Variants in MYH11 observed in about 807,000 individuals in gnomAD.
The protein encoded by MYH11 is myosin-11.
In MYH11, 80 loss-of-function variants were observed where a neutral mutation model predicts 246.6. The observed-to-expected ratio is 0.32, with a 90% CI of 0.27 to 0.39. The LOEUF (loss-of-function observed/expected upper bound fraction) is 0.39. Among genes scored for constraint, MYH11 ranks in the 10% least tolerant of loss-of-function variants. The pLI is 1.00. For missense variants in MYH11, 2,158 were observed against 2,546.8 expected, an observed-to-expected ratio of 0.85 and a Z score of 3.29; for synonymous variants, 1,071 against 1,015.5, an observed-to-expected ratio of 1.05 and a Z score of -1.04.
chr16:15,834,860 G>A (rs2043848714), intron 2 of MYH11, among the ~76,000 whole-genome samples: 1 of 151,766 alleles, frequency 6.6e-6, no homozygotes, highest in African/African-American at 2.4e-5. Flanking sequence ...CTTGAGGCCA[G>A]GAGTTTGAGA....
intron 2 of MYH11, among the ~76,000 whole-genome samples, chr16:15,834,068 T>C (rs9938768): frequency 0.026 from 3,910 of 152,196 alleles, 168 homozygotes; most frequent in African/African-American, 0.089. Flanking sequence ...GACCTTCATA[T>C]GCCCTTTTTT....
At chr16:15,794,493 A>G (rs755942788) in intron 4 of MYH11, among the ~76,000 whole-genome samples, 8 of 152,260 alleles carry the variant, frequency 5.3e-5, no homozygotes, top group Non-Finnish European at 1.2e-4. Flanking sequence ...AACAATGGCT[A>G]AGGCCTCCTT....
intron 22 of MYH11, chr16:15,741,049 T>C (rs1200893251): frequency 2.9e-6 from 1 of 345,406 alleles, no homozygotes; most frequent in African/African-American, 2.1e-5. Flanking sequence ...TTCAGATGAC[T>C]GCAGCCTCAG....
chr16:15,727,514 C>A (rs779659285), intron 27 of MYH11, among the ~76,000 whole-genome samples: 1 of 152,084 alleles, frequency 6.6e-6, no homozygotes, highest in South Asian at 2.1e-4. Context: ...ATTTTGGATT[C>A]TATTTTCCTA....
intron 37 of MYH11, chr16:15,718,093 C>A: frequency 1.4e-6 from 1 of 693,888 alleles, no homozygotes; most frequent in South Asian, 1.9e-5. Flanking sequence ...CACGCCGTGG[C>A]TGGAAAATGA....
At chr16:15,854,842 C>CA (rs35950513) in intron 1 of MYH11, among the ~76,000 whole-genome samples, 25,440 of 133,426 alleles carry the variant, frequency 0.19, 2,922 homozygotes, top group East Asian at 0.44. Context: ...ACCCCCCACC[C>CA]AAAAAAATCA....
Position 15,735,478 on chromosome 16 carries a change from C to T in MYH11, c.3394G>A (p.Ala1132Thr), listed in dbSNP as rs1409752157. 3.1e-6 allele frequency: 5 copies of T among 1,614,138 alleles called. No homozygotes were observed. Among genetic ancestry groups the T allele is most frequent in the Non-Finnish European group, 4.2e-6 (5 of 1,180,032 alleles). ...DLQEDLDSERAARNKAEKQKR... is the reference protein window; with the variant it reads ...DLQEDLDSERTARNKAEKQKR... ...TGCTTTTCAGCCTTGTTCCTGGCGG[C>T]CCGCTCTGAGTCCAGGTCCTCCTGG... Residue 1132 changes from alanine to threonine, a missense_variant, in exon 26 of 41, where the codon GCC becomes ACC. Around this residue, in one of 11 missense-constraint regions of MYH11, gnomAD observed 284 missense variants for 315.4 expected, o/e 0.90. Coordinates refer to ENST00000300036, the MANE Select transcript of MYH11 (RefSeq NM_002474.3).
chr16:15,737,879 G>A (rs886280686), intron 24 of MYH11, among the ~76,000 whole-genome samples: 7 of 152,066 alleles, frequency 4.6e-5, no homozygotes, highest in Admixed American at 2.0e-4. Flanking sequence ...TGCAACCTCC[G>A]CCTCCCGGGT....
intron 19 of MYH11, among the ~76,000 whole-genome samples, chr16:15,746,671 G>A (rs369602389): frequency 5.3e-5 from 8 of 152,130 alleles, no homozygotes; most frequent in South Asian, 2.1e-4. Flanking sequence ...ACCCTTCCCC[G>A]GCTCCCAGTC....
At chr16:15,820,277 C>A (rs889313515) in intron 3 of MYH11, among the ~76,000 whole-genome samples, 1 of 151,998 alleles carries the variant, frequency 6.6e-6, no homozygotes, top group Non-Finnish European at 1.5e-5. Context: ...GAGATCGAGA[C>A]CATCCTGGGT....
intron 38 of MYH11, among the ~76,000 whole-genome samples, chr16:15,716,685 C>G (rs1454581569): frequency 6.6e-6 from 1 of 152,154 alleles, no homozygotes. Context: ...CCACACTCGG[C>G]TAATTTTTGG....
At position 15,801,283 on chromosome 16, in the gene MYH11, A is replaced by T. The variant is rs2042878392; in HGVS notation, c.503-2596T>A. On this transcript the variant is annotated intron_variant, in intron 3 of 40. Coordinates refer to ENST00000300036, the MANE Select transcript of MYH11 (RefSeq NM_002474.3). Reference sequence around the variant, plus strand: ...ACCAGGCAGAGCTTTGTGGATGGACACAGAAAAATATCCAAAATATATTAA... The same window carrying T: ...ACCAGGCAGAGCTTTGTGGATGGACTCAGAAAAATATCCAAAATATATTAA... 2.6e-5 allele frequency among the ~76,000 whole-genome samples: 4 copies of T among 152,332 alleles called. No homozygotes were observed. The South Asian group carries it at 8.3e-4, about 32-fold the overall frequency.
chr16:15,848,849 G>A (rs1194817876), intron 1 of MYH11, among the ~76,000 whole-genome samples: 1 of 152,142 alleles, frequency 6.6e-6, no homozygotes, highest in African/African-American at 2.4e-5. Context: ...AGATCAGACG[G>A]GGGCAAGGTG....
At position 15,833,707 on chromosome 16, in the gene MYH11, G is replaced by A. The variant is rs149003337; in HGVS notation, c.345+4201C>T. Among the ~76,000 whole-genome samples, 493 of 152,286 alleles carry A rather than the reference G, an allele frequency of 3.2e-3. 2 individuals carry two copies. Among genetic ancestry groups the A allele is most frequent in the African/African-American group, 0.011 (466 of 41,550 alleles). Reference sequence around the variant, plus strand: ...TTGAGGCGAGCCTTGCAGAACGGAGGAGAAAGTTTATCTTCATCACAGAGG... The same window carrying A: ...TTGAGGCGAGCCTTGCAGAACGGAGAAGAAAGTTTATCTTCATCACAGAGG... On this transcript the variant is annotated intron_variant, in intron 2 of 40. Coordinates refer to ENST00000300036, the MANE Select transcript of MYH11 (RefSeq NM_002474.3).
chr16:15,849,311 C>T (rs1437944678), intron 1 of MYH11, among the ~76,000 whole-genome samples: 4 of 152,152 alleles, frequency 2.6e-5, no homozygotes, highest in Admixed American at 2.0e-4. Context: ...GGATGACAGG[C>T]GTGAGTCACC....
chr16:15,738,907 G>T (rs1454630535), intron 23 of MYH11, among the ~76,000 whole-genome samples: 1 of 152,126 alleles, frequency 6.6e-6, no homozygotes, highest in Non-Finnish European at 1.5e-5. Context: ...TGTATGGTCA[G>T]CTAAAGGTAC....
chr16:15,830,358 C>CA (rs1376981465), intron 2 of MYH11, among the ~76,000 whole-genome samples: 1 of 152,146 alleles, frequency 6.6e-6, no homozygotes, highest in East Asian at 1.9e-4. Context: ...CTTTTAAGAG[C>CA]AAAAAGACTA....
chr16:15,720,087 T>G (rs1019131992), intron 34 of MYH11, 64 bp downstream of exon 34: 2 of 1,609,366 alleles, frequency 1.2e-6, no homozygotes, highest in African/African-American at 2.7e-5. Context: ...TCTGCTGACT[T>G]CGGTGGCCTG....
intron 4 of MYH11, 91 bp from the exon 5 acceptor site, chr16:15,786,823 C>T: frequency 8.6e-7 from 1 of 1,156,438 alleles, no homozygotes; most frequent in Non-Finnish European, 1.3e-6. Context: ...TGATCATCAC[C>T]ACCATTTCCC....
Sources: gnomAD v4.1 joint callset for allele counts (sites outside exome capture counted in the v4.1 genomes callset) on GRCh38, gnomAD v4.1.1 for gene constraint, gnomAD v4.1.1 regional missense constraint, MANE v1.5 for transcripts, NCBI Gene and HGNC (gene_info 2026-07-23, HGNC 2026-07-21) for gene names.